REC8: variants seen among roughly 807,000 people sequenced by gnomAD.
REC8 encodes meiotic recombination protein REC8 homolog.
Under a neutral mutation model 78.3 loss-of-function variants are expected in REC8, and 42 were observed. The ratio of observed to expected loss-of-function variants is 0.54; its 90% CI spans 0.42 to 0.69. The LOEUF is 0.69. REC8 is among the 30% of genes least tolerant of loss of function. The pLI is 0.00. For synonymous variants in REC8, 268 were observed against 274.1 expected, an observed-to-expected ratio of 0.98 and a Z score of 0.22; for missense variants, 581 against 715.8, an observed-to-expected ratio of 0.81 and a Z score of 2.15.
In REC8 at chr14:24,178,093, G is replaced by A; in HGVS notation, c.867G>A (p.Arg289=). ...LRLPAPPSPE[R]RPPVPPPPRR... is the part of the protein sequence containing the mutation. ...TACCTGCCCTCCCCACTCAACAGAG[G>A]AGGCCCCCAGTCCCCCCACCTCCTC... Residue 289 remains arginine, a splice_region_variant and synonymous_variant, in exon 12 of 19, where the codon AGG becomes AGA. Coordinates refer to ENST00000611366, the MANE Select transcript of REC8 (RefSeq NM_001048205.2). 2 of 1,612,832 alleles carry A rather than the reference G, an allele frequency of 1.2e-6. No homozygotes were observed. The highest frequency in any genetic ancestry group is 8.5e-7 in the Non-Finnish European group (1 of 1,179,304).
chr14:24,180,014 C>T lies in REC8; in HGVS notation c.1563C>T (p.Leu521=). 6.2e-7 allele frequency: 1 copy of T among 1,614,160 alleles called. No homozygotes were observed. Among genetic ancestry groups the T allele is most frequent in the Non-Finnish European group, 8.5e-7 (1 of 1,180,032 alleles). Residue 521 remains leucine, a synonymous_variant, in exon 19 of 19, where the codon CTC becomes CTT. Transcript: ENST00000611366. ...CTCTCCTCGCCTCTTGACCAGTGCTCTCAGCGCAACAGATTCTTCACGTGA... is the reference window on the plus strand; with the variant it reads ...CTCTCCTCGCCTCTTGACCAGTGCTTTCAGCGCAACAGATTCTTCACGTGA... ...AARVFYLLLV[L]SAQQILHVKQ...
chr14:24,178,324 G>A, intron 12 of REC8, 102 bp downstream of exon 12: 1 of 1,080,638 alleles, frequency 9.3e-7, no homozygotes, highest in Non-Finnish European at 1.4e-6. Context: ...GTGGGGGGAG[G>A]ATTGGGAACT....
downstream of REC8, chr14:24,180,359 T>G: frequency 6.5e-7 from 1 of 1,531,984 alleles, no homozygotes; most frequent in Non-Finnish European, 8.8e-7. Context: ...GAATCTTTGG[T>G]AAGGCAGAAC....
Position 24,178,123 on chromosome 14 carries a change from CCGCCGTCGT to C in REC8, c.903_911del (p.Arg302_Arg304del). 1 of 1,613,868 alleles carries C rather than the reference CCGCCGTCGT, an allele frequency of 6.2e-7. No individual in the cohort carries two copies. Among genetic ancestry groups the C allele is most frequent in the Non-Finnish European group, 8.5e-7 (1 of 1,179,856 alleles). ...CCCCAGTCCCCCCACCTCCTCGCCG[CCGCCGTCGT>C]CGCCGGTTACTGTTCTGGGACAAGG... On this transcript the variant is annotated inframe_deletion, in exon 12 of 19. Coordinates refer to ENST00000611366, the MANE Select transcript of REC8 (RefSeq NM_001048205.2).
At chr14:24,176,978 TTC>T (rs1235218953) in intron 7 of REC8, 77 bp downstream of exon 7, 1 of 1,401,576 alleles carries the variant, frequency 7.1e-7, no homozygotes, top group African/African-American at 1.4e-5. Context: ...GTCCTGCCTT[TTC>T]TGTCTCCATT....
rs1362335998 is a variant in REC8 at position 24,178,135 on chromosome 14, C to A, written c.909C>A (p.Arg303=). 1 of 1,613,860 alleles carries A rather than the reference C, an allele frequency of 6.2e-7. No homozygotes were observed. Among genetic ancestry groups the A allele is most frequent in the Non-Finnish European group, 8.5e-7 (1 of 1,179,928 alleles). The part of the protein sequence containing the change: ...VPPPPRRRRR[R]RLLFWDKETQ... ...CACCTCCTCGCCGCCGCCGTCGTCG[C>A]CGGTTACTGTTCTGGGACAAGGAGA... The change falls in exon 12 of 19, where the codon CGC becomes CGA. Residue 303 remains arginine (R), a synonymous_variant. Transcript: ENST00000611366.
downstream of REC8, chr14:24,180,759 C>A: frequency 6.2e-7 from 1 of 1,613,646 alleles, no homozygotes; most frequent in South Asian, 1.1e-5. Flanking sequence ...CATCTATAAC[C>A]TGTGAGGAAA....
chr14:24,180,900 T>G (rs370894245), downstream of REC8: 1 of 638,932 alleles, frequency 1.6e-6, no homozygotes. Flanking sequence ...AAGACAACTA[T>G]GAACATGAGA....
At chr14:24,180,854 G>A, downstream of REC8, 1 of 985,794 alleles carries the variant, frequency 1.0e-6, no homozygotes, top group Non-Finnish European at 1.5e-6. Flanking sequence ...TCTTATCAGG[G>A]GGGTGGTTGC....
At chr14:24,177,624 A>G (rs1329426100) in intron 10 of REC8, 83 bp downstream of exon 10, 1 of 1,577,006 alleles carries the variant, frequency 6.3e-7, no homozygotes, top group East Asian at 2.2e-5. Context: ...CCAACTTGCT[A>G]AAGGGAGGAC....
downstream of REC8, chr14:24,180,408 C>T: frequency 6.3e-7 from 1 of 1,594,118 alleles, no homozygotes; most frequent in Non-Finnish European, 8.6e-7. Flanking sequence ...CCTGGGCAGG[C>T]TCTATTCTCT....
chr14:24,173,251 G>A, intron 4 of REC8, 40 bp from the exon 5 acceptor site: 1 of 1,613,998 alleles, frequency 6.2e-7, no homozygotes, highest in Non-Finnish European at 8.5e-7. Flanking sequence ...GCCTCAGCCT[G>A]GCTCAGCCTC....
At chr14:24,180,838 A>G (rs953481662), downstream of REC8, 12 of 1,243,984 alleles carry the variant, frequency 9.6e-6, no homozygotes, top group Non-Finnish European at 1.4e-5. Flanking sequence ...AAGGAGTGGC[A>G]GAATCTCTTA....
chr14:24,177,296 G>T, intron 8 of REC8, 57 bp from the exon 9 acceptor site: 2 of 1,613,704 alleles, frequency 1.2e-6, no homozygotes, highest in Non-Finnish European at 1.7e-6. Flanking sequence ...TTCTGGGACT[G>T]GGCAATGCTC....
chr14:24,175,396 G>A (rs2038846328), intron 5 of REC8, 147 bp from the exon 6 acceptor site: 2 of 637,210 alleles, frequency 3.1e-6, no homozygotes, highest in East Asian at 2.8e-5. Flanking sequence ...ACCAGAGGGC[G>A]GGTGAGTTTA....
intron 10 of REC8, 73 bp from the exon 11 acceptor site, chr14:24,177,636 C>CTGCA: frequency 6.3e-7 from 1 of 1,576,048 alleles, no homozygotes; most frequent in Non-Finnish European, 8.6e-7. Context: ...AGGGAGGACC[C>CTGCA]TGCAGTTTCT....
chr14:24,180,028 T>C lies in REC8; in HGVS notation c.1577T>C (p.Ile526Thr). The change falls in exon 19 of 19, where the codon ATT becomes ACT. Residue 526 changes from isoleucine (I) to threonine (T), a missense_variant. Transcript: ENST00000611366. ...TGACCAGTGCTCTCAGCGCAACAGA[T>C]TCTTCACGTGAAACAAGAAAAGCCA... ...YLLLVLSAQQ[I>T]LHVKQEKPYG... 2 of 1,614,136 alleles carry C rather than the reference T, an allele frequency of 1.2e-6. No individual in the cohort carries two copies. The highest frequency in any genetic ancestry group is 1.7e-6 in the Non-Finnish European group (2 of 1,180,018).
chr14:24,177,251 C>T (rs562792896), intron 8 of REC8, 29 bp downstream of exon 8: 27 of 1,612,480 alleles, frequency 1.7e-5, no homozygotes, highest in Middle Eastern at 1.6e-4. Context: ...GTAGGGCCCG[C>T]CTGGAGCTGG....
In REC8 at chr14:24,177,741, G is replaced by A; in HGVS notation, c.847G>A (p.Ala283Thr). Residue 283 changes from alanine to threonine, a missense_variant, in exon 11 of 19, where the codon GCC (alanine) becomes ACC (threonine). Ala to Thr is a moderately conservative substitution (Grantham distance 58). Transcript: ENST00000611366. ...VTPPEELRLPAPPSPERRPPV... is the reference protein window; with the variant it reads ...VTPPEELRLPTPPSPERRPPV... The stretch of plus-strand genomic sequence containing the variant: ...CCCCCCGGAGGAGCTGCGTCTGCCA[G>A]CCCCACCCAGCCCAGAGGTGAGTAG... 2 of 1,608,946 alleles carry A rather than the reference G, an allele frequency of 1.2e-6. No homozygotes were observed. Among genetic ancestry groups the A allele is most frequent in the East Asian group, 2.2e-5 (1 of 44,836 alleles).
Sources: gnomAD v4.1 joint callset for allele counts on GRCh38, gnomAD v4.1.1 for gene constraint, MANE v1.5 for transcripts, NCBI Gene and HGNC (gene_info 2026-07-23, HGNC 2026-07-21) for gene names.